Variants in PYM1 observed in about 807,000 individuals in gnomAD.
The protein encoded by PYM1 is PYM1 exon junction complex associated factor.
Under a neutral mutation model 20.7 loss-of-function variants are expected in PYM1, and 7 were observed. That is an observed-to-expected ratio of 0.34 (90% confidence interval 0.19 to 0.64). The LOEUF is 0.64. Among genes scored for constraint, PYM1 ranks in the 30% least tolerant of loss-of-function variants. The pLI is 0.74. For synonymous variants in PYM1, 100 were observed against 99.2 expected (o/e 1.01, Z -0.05); for missense variants, 194 against 250.0 (o/e 0.78, Z 1.51).
intron 1 of PYM1, among the ~76,000 whole-genome samples, chr12:55,924,983 CA>C (rs35096860): frequency 6.6e-6 from 1 of 152,204 alleles, no homozygotes; most frequent in South Asian, 2.1e-4. Flanking sequence ...CCATGCCCAG[CA>C]AAAAATTTTT....
chr12:55,917,663 T>A (rs1038872335), intron 1 of PYM1, among the ~76,000 whole-genome samples: 2 of 151,866 alleles, frequency 1.3e-5, no homozygotes, highest in East Asian at 3.9e-4. Flanking sequence ...GGCACGGGTT[T>A]AAAAACTATC....
At position 55,902,177 on chromosome 12, in the gene PYM1, C is replaced by T; in HGVS notation, c.310G>A (p.Gly104Arg). ...KEKRRQQQEK[G>R]EAEALSRTLD... ...GTCCTGCTCAAGGCCTCTGCCTCTC[C>T]TTTCTCTTGCTGCTGCCGCCTCTTC... Residue 104 changes from glycine to arginine, a missense_variant, in exon 3 of 3, where the codon GGA (glycine) becomes AGA (arginine). Physicochemically the swap from Gly to Arg is moderately radical, Grantham distance 125. Coordinates refer to ENST00000408946, the MANE Select transcript of PYM1 (RefSeq NM_032345.3). 6.2e-7 allele frequency: 1 copy of T among 1,614,170 alleles called. No individual in the cohort carries two copies. The highest frequency in any genetic ancestry group is 8.5e-7 in the Non-Finnish European group (1 of 1,180,030).
chr12:55,926,575 T>C (rs1883190855), intron 1 of PYM1, among the ~76,000 whole-genome samples: 1 of 152,100 alleles, frequency 6.6e-6, no homozygotes, highest in Non-Finnish European at 1.5e-5. Context: ...TAAACCTCAG[T>C]GACCCAACAA....
intron 1 of PYM1, among the ~76,000 whole-genome samples, chr12:55,918,184 G>A (rs867636197): frequency 3.3e-5 from 5 of 149,752 alleles, no homozygotes; most frequent in South Asian, 4.3e-4. Flanking sequence ...TGCAAGCTCC[G>A]CCTCCCGGGT....
At chr12:55,924,451 T>A (rs1883155119) in intron 1 of PYM1, among the ~76,000 whole-genome samples, 1 of 152,032 alleles carries the variant, frequency 6.6e-6, no homozygotes, top group Non-Finnish European at 1.5e-5. Flanking sequence ...AAAACCAGCC[T>A]GGGCAACATA....
At chr12:55,911,618 A>G (rs1471491429) in intron 1 of PYM1, among the ~76,000 whole-genome samples, 2 of 152,030 alleles carry the variant, frequency 1.3e-5, no homozygotes, top group Non-Finnish European at 2.9e-5. Context: ...AGGTGGGTGG[A>G]TCACCTGAGG....
chr12:55,911,766 A>G (rs1882927047), intron 1 of PYM1, among the ~76,000 whole-genome samples: 2 of 149,008 alleles, frequency 1.3e-5, no homozygotes, highest in Non-Finnish European at 3.0e-5. Flanking sequence ...ACTTGATCCC[A>G]GGAGGGGGAG....
At chr12:55,918,360 A>G (rs1489628120) in intron 1 of PYM1, among the ~76,000 whole-genome samples, 1 of 152,062 alleles carries the variant, frequency 6.6e-6, no homozygotes, top group Non-Finnish European at 1.5e-5. Flanking sequence ...TCGGCCTCCC[A>G]AAGTGCTGGG....
intron 1 of PYM1, chr12:55,927,511 C>G: frequency 1.4e-6 from 1 of 692,948 alleles, no homozygotes; most frequent in East Asian, 2.7e-5. Context: ...CTGGCCTGCA[C>G]CCAGATCTCA....
intron 1 of PYM1, among the ~76,000 whole-genome samples, chr12:55,909,125 T>C (rs1882876384): frequency 6.6e-6 from 1 of 152,146 alleles, no homozygotes; most frequent in South Asian, 2.1e-4. Flanking sequence ...CTTTGGACTT[T>C]ACTGGGTGAG....
At chr12:55,907,308 A>G (rs1366271296) in intron 1 of PYM1, among the ~76,000 whole-genome samples, 5 of 151,656 alleles carry the variant, frequency 3.3e-5, no homozygotes, top group Non-Finnish European at 5.9e-5. Context: ...TACTAAAAAT[A>G]CAAAAATTGG....
rs965054383 is a variant in PYM1 at position 55,927,851 on chromosome 12, T to A, written c.-90A>T. The A allele has an allele frequency of 6.7e-7, 1 of 1,487,372 alleles. No homozygotes were observed. Among genetic ancestry groups the A allele is most frequent in the Admixed American group, 2.1e-5 (1 of 47,300 alleles). The allele number at this position is 1,487,372 out of a possible 1,614,324, so 92.1% of individuals were successfully genotyped here. ...CGCCGGGGATTCGGCGGCGAAGTGA[T>A]GAGGGCCCTAGTTGCTTCTCGCCCA... On this transcript the variant is annotated 5_prime_UTR_variant, in exon 1 of 3. Coordinates refer to ENST00000408946, the MANE Select transcript of PYM1 (RefSeq NM_032345.3).
At chr12:55,923,094 C>T (rs1354283810) in intron 1 of PYM1, among the ~76,000 whole-genome samples, 1 of 151,980 alleles carries the variant, frequency 6.6e-6, no homozygotes, top group Non-Finnish European at 1.5e-5. Context: ...CATGGTGGCA[C>T]ATGCCTGTAA....
chr12:55,919,860 T>C (rs1384355721), intron 1 of PYM1, among the ~76,000 whole-genome samples: 1 of 148,840 alleles, frequency 6.7e-6, no homozygotes, highest in African/African-American at 2.5e-5. Context: ...CACTCCAGTC[T>C]GGGTGACTGG....
chr12:55,920,557 G>T (rs1240701064), intron 1 of PYM1, among the ~76,000 whole-genome samples: 1 of 151,320 alleles, frequency 6.6e-6, no homozygotes, highest in African/African-American at 2.4e-5. Flanking sequence ...AGAATCACTT[G>T]AGCCCAGGAG....
chr12:55,915,239 A>G (rs1377901164), intron 1 of PYM1, among the ~76,000 whole-genome samples: 3 of 145,220 alleles, frequency 2.1e-5, no homozygotes, highest in Non-Finnish European at 4.5e-5. Flanking sequence ...AAAAAAAAGT[A>G]AAGGTAGGTG....
chr12:55,927,787 G>A lies in PYM1; in HGVS notation c.-26C>T. On this transcript the variant is annotated 5_prime_UTR_variant, in exon 1 of 3. Coordinates refer to ENST00000408946, the MANE Select transcript of PYM1 (RefSeq NM_032345.3). ...GGCCGAAGAGGCAGCGGACCAGGTT[G>A]GGCGGGCGGCCCTGGCCTGGCTCTG... 1 of 1,537,012 alleles carries A rather than the reference G, an allele frequency of 6.5e-7. No individual in the cohort carries two copies. Among genetic ancestry groups the A allele is most frequent in the Non-Finnish European group, 8.7e-7 (1 of 1,145,622 alleles).
chr12:55,915,212 C>CAA (rs1314312519), intron 1 of PYM1, among the ~76,000 whole-genome samples: 4 of 6,840 alleles, frequency 5.8e-4, no homozygotes, highest in South Asian at 4.5e-3. Flanking sequence ...AAGACTCTGC[C>CAA]TAAAAAAAAA....
intron 1 of PYM1, chr12:55,914,509 A>C: frequency 1.6e-6 from 1 of 618,112 alleles, no homozygotes; most frequent in East Asian, 2.7e-5. Flanking sequence ...TTTAATTCTC[A>C]ATCTATTTCC....
Sources: allele counts gnomAD v4.1 joint callset (sites outside exome capture counted in the v4.1 genomes callset), GRCh38; gene constraint gnomAD v4.1.1; transcripts MANE v1.5; gene names NCBI Gene and HGNC (gene_info 2026-07-23, HGNC 2026-07-21).